ERGIC2: variants seen among roughly 807,000 people sequenced by gnomAD.
ERGIC2 encodes the protein ERGIC and golgi 2.
Under a neutral mutation model 52.5 loss-of-function variants are expected in ERGIC2, and 31 were observed. That is an observed-to-expected ratio of 0.59 (90% confidence interval 0.44 to 0.80). The LOEUF is 0.80. ERGIC2 is among the 30% of genes least tolerant of loss of function. The pLI, the probability that ERGIC2 is intolerant of heterozygous loss-of-function variation, is 0.00. For synonymous variants in ERGIC2, 129 were observed against 140.6 expected (o/e 0.92, Z 0.58); for missense variants, 395 against 455.2 (o/e 0.87, Z 1.20).
At chr12:29,353,288 T>C (rs754905062) in intron 8 of ERGIC2, among the ~76,000 whole-genome samples, 22 of 152,194 alleles carry the variant, frequency 1.4e-4, no homozygotes, top group Non-Finnish European at 2.8e-4. Context: ...TCAAGCTTAC[T>C]ACTAAAAAGA....
chr12:29,366,830 G>T, intron 5 of ERGIC2, 47 bp downstream of exon 5: 1 of 1,171,404 alleles, frequency 8.5e-7, no homozygotes. Flanking sequence ...TCAAGCGTAC[G>T]ATTCCTCAAC....
intron 10 of ERGIC2, among the ~76,000 whole-genome samples, chr12:29,346,616 C>G (rs550950289): frequency 3.9e-5 from 6 of 152,064 alleles, no homozygotes; most frequent in Non-Finnish European, 7.4e-5. Context: ...AATTAGCTAG[C>G]CTTTGAATAA....
rs750487648 is a variant in ERGIC2 at position 29,343,126 on chromosome 12, T to A, written c.982A>T (p.Thr328Ser). The change falls in exon 12 of 14, where the codon ACA (threonine) becomes TCA (serine). Residue 328 changes from threonine (T) to serine (S), a missense_variant. By Grantham distance (58) the Thr-to-Ser change is moderately conservative. Transcript: ENST00000360150. ...AAAGGAAATGGTTGTTAACCTGTTG[T>A]TGAAAAGATTCCTCCAACAATACCA... is the stretch of plus-strand genomic sequence containing the variant. ...LCGIVGGIFS[T>S]TGMLHGIGKF... The A allele has an allele frequency of 1.3e-6, 2 of 1,593,964 alleles. No homozygotes were observed. The highest frequency in any genetic ancestry group is 1.7e-6 in the Non-Finnish European group (2 of 1,169,882).
chr12:29,374,307 C>G (rs1940485068), intron 1 of ERGIC2, among the ~76,000 whole-genome samples: 2 of 152,134 alleles, frequency 1.3e-5, no homozygotes, highest in East Asian at 3.9e-4. Flanking sequence ...ATTCTCTTAC[C>G]TTGACTTAAG....
intron 5 of ERGIC2, among the ~76,000 whole-genome samples, chr12:29,363,309 A>T (rs773945009): frequency 1.3e-5 from 2 of 152,140 alleles, no homozygotes; most frequent in African/African-American, 2.4e-5. Flanking sequence ...CTTGTAAACT[A>T]GTAAAGTTAT....
At chr12:29,346,443 G>C (rs1940052934) in intron 10 of ERGIC2, among the ~76,000 whole-genome samples, 1 of 152,028 alleles carries the variant, frequency 6.6e-6, no homozygotes, top group Non-Finnish European at 1.5e-5. Flanking sequence ...TCCTGCCTCA[G>C]TCTCCCAAAG....
chr12:29,353,172 A>T (rs1304533889), intron 8 of ERGIC2, among the ~76,000 whole-genome samples: 3 of 152,230 alleles, frequency 2.0e-5, no homozygotes, highest in African/African-American at 7.2e-5. Context: ...GACATTCAAC[A>T]TAAAGTATAC....
chr12:29,344,896 C>G (rs1353001060), intron 11 of ERGIC2, among the ~76,000 whole-genome samples: 4 of 152,110 alleles, frequency 2.6e-5, no homozygotes, highest in Non-Finnish European at 5.9e-5. Context: ...AAACTTTGCT[C>G]ATCACTGTCA....
At chr12:29,368,396 T>G in intron 3 of ERGIC2, 109 bp from the exon 4 acceptor site, 1 of 612,786 alleles carries the variant, frequency 1.6e-6, no homozygotes, top group South Asian at 2.1e-5. Context: ...GAATAAATTA[T>G]GTCGATTAGA....
chr12:29,344,757 T>A lies in ERGIC2; in HGVS notation c.825+686A>T, dbSNP rs17658749. On this transcript the variant is annotated intron_variant, in intron 11 of 13. Coordinates refer to ENST00000360150, the MANE Select transcript of ERGIC2 (RefSeq NM_016570.3). Reference sequence around the variant, plus strand: ...AAACACTATATAAAGGAAAGCAAAATTTTTAAAGCACTTAAATTTTGCCTT... The same window carrying A: ...AAACACTATATAAAGGAAAGCAAAAATTTTAAAGCACTTAAATTTTGCCTT... 7.7e-3 allele frequency among the ~76,000 whole-genome samples: 1,175 copies of A among 152,190 alleles called. 5 individuals carry two copies. Among genetic ancestry groups the A allele is most frequent in the Non-Finnish European group, 0.013 (880 of 67,986 alleles).
rs540716221 is a variant in ERGIC2 at position 29,342,124 on chromosome 12, G to C, written c.989-308C>G. ...ACCTCCCAGCTCAAGCAATTCTTGT[G>C]CTTCAGCCTCCCAATTAGCTGGGAT... On this transcript the variant is annotated intron_variant, in intron 12 of 13. Transcript: ENST00000360150. Among the ~76,000 whole-genome samples, 261 of 152,106 alleles carry C rather than the reference G, an allele frequency of 1.7e-3. 1 individual carries two copies. Among genetic ancestry groups the C allele is most frequent in the African/African-American group, 5.8e-3 (239 of 41,494 alleles).
At chr12:29,360,439 G>GTA (rs1231014202) in intron 6 of ERGIC2, among the ~76,000 whole-genome samples, 4 of 148,678 alleles carry the variant, frequency 2.7e-5, no homozygotes, top group Non-Finnish European at 5.9e-5. Flanking sequence ...ACTTATTTCT[G>GTA]TATATATATT....
At chr12:29,371,438 C>A (rs1183609099) in intron 2 of ERGIC2, 90 bp downstream of exon 2, 4 of 811,058 alleles carry the variant, frequency 4.9e-6, no homozygotes, top group Admixed American at 2.8e-5. Context: ...TTGATAAATT[C>A]TTCCTCATGG....
intron 8 of ERGIC2, among the ~76,000 whole-genome samples, chr12:29,354,663 T>A (rs1940177803): frequency 1.3e-5 from 2 of 152,196 alleles, no homozygotes; most frequent in Admixed American, 1.3e-4. Flanking sequence ...GATGACAAGA[T>A]ATGAACCAAA....
At chr12:29,363,078 T>G (rs1940308538) in intron 5 of ERGIC2, among the ~76,000 whole-genome samples, 1 of 152,206 alleles carries the variant, frequency 6.6e-6, no homozygotes, top group African/African-American at 2.4e-5. Flanking sequence ...ACCTCGTGAA[T>G]TTTTTACTCC....
At chr12:29,343,086 T>A in intron 12 of ERGIC2, 34 bp downstream of exon 12, 1 of 1,529,350 alleles carries the variant, frequency 6.5e-7, no homozygotes, top group Non-Finnish European at 8.8e-7. Context: ...AGCAACACTT[T>A]CAGAAATTAG....
intron 1 of ERGIC2, among the ~76,000 whole-genome samples, chr12:29,371,952 G>A (rs550462969): frequency 2.0e-5 from 3 of 152,196 alleles, no homozygotes; most frequent in East Asian, 1.9e-4. Flanking sequence ...TAAAAATTAA[G>A]ATAATGTTTT....
At chr12:29,372,430 G>GGGA (rs1049067458) in intron 1 of ERGIC2, 6 of 151,558 alleles carry the variant, frequency 4.0e-5, no homozygotes, top group African/African-American at 1.5e-4. Flanking sequence ...GGCGGGAGAA[G>GGGA]GGAGAAGAAG....
chr12:29,357,134 A>T (rs549938716), intron 7 of ERGIC2, among the ~76,000 whole-genome samples: 2 of 151,976 alleles, frequency 1.3e-5, no homozygotes, highest in South Asian at 2.1e-4. Flanking sequence ...CACCCAGCTA[A>T]TTTTTTTGTA....
Sources: allele counts gnomAD v4.1 joint callset (sites outside exome capture counted in the v4.1 genomes callset), GRCh38; gene constraint gnomAD v4.1.1; transcripts MANE v1.5; gene names NCBI Gene and HGNC (gene_info 2026-07-23, HGNC 2026-07-21).